POU6F2: variants seen among roughly 807,000 people sequenced by gnomAD.
POU6F2 encodes POU class 6 homeobox 2.
Under a neutral mutation model 71.3 loss-of-function variants are expected in POU6F2, and 31 were observed. That is an observed-to-expected ratio of 0.43 (90% CI 0.33 to 0.59). The LOEUF (loss-of-function observed/expected upper bound fraction) is 0.59. Among genes scored for constraint, POU6F2 ranks in the 20% least tolerant of loss-of-function variants. POU6F2 has a pLI of 0.04. For synonymous variants in POU6F2, 347 were observed against 355.7 expected, an observed-to-expected ratio of 0.98 and a Z score of 0.27; for missense variants, 783 against 856.8, an observed-to-expected ratio of 0.91 and a Z score of 1.07.
chr7:39,318,615 T>A (rs1785320123), intron 4 of POU6F2, among the ~76,000 whole-genome samples: 1 of 152,140 alleles, frequency 6.6e-6, no homozygotes, highest in Non-Finnish European at 1.5e-5. Flanking sequence ...AAAAGAACCC[T>A]TCTGCTCTCT....
At chr7:39,051,776 G>A (rs1418196313) in intron 1 of POU6F2, among the ~76,000 whole-genome samples, 3 of 152,000 alleles carry the variant, frequency 2.0e-5, no homozygotes, top group Admixed American at 2.0e-4. Context: ...GTGGAGAAGT[G>A]GACAGGAAGT....
Position 39,007,645 on chromosome 7 carries a change from T to G in POU6F2, c.105+29587T>G, listed in dbSNP as rs562037552. ...CACCCACTAACTCATCATCTAGCAT[T>G]AGGTATATACCCCAATGCTATCCCT... On this transcript the variant is annotated intron_variant, in intron 1 of 9. Transcript: ENST00000518318. 1.1e-4 allele frequency among the ~76,000 whole-genome samples: 16 copies of G among 152,282 alleles called. No homozygotes were observed. The South Asian group carries it at 3.1e-3, about 30-fold the overall frequency.
At chr7:39,011,157 C>CT (rs1179447693) in intron 1 of POU6F2, among the ~76,000 whole-genome samples, 4 of 138,444 alleles carry the variant, frequency 2.9e-5, no homozygotes, top group Non-Finnish European at 6.3e-5. Context: ...GTGTGGGAGT[C>CT]TAAGTCTCTT....
intron 7 of POU6F2, among the ~76,000 whole-genome samples, chr7:39,436,051 C>T (rs1788234012): frequency 6.6e-6 from 1 of 152,008 alleles, no homozygotes; most frequent in Non-Finnish European, 1.5e-5. Flanking sequence ...TGAAGTGAGG[C>T]GGAGTGATGC....
chr7:39,265,610 C>T (rs1166985938), intron 4 of POU6F2, among the ~76,000 whole-genome samples: 5 of 152,144 alleles, frequency 3.3e-5, no homozygotes, highest in African/African-American at 1.2e-4. Context: ...TTATTTCAAT[C>T]GGCCATAGTT....
At chr7:39,445,243 C>T (rs1200718129) in intron 7 of POU6F2, among the ~76,000 whole-genome samples, 1 of 152,148 alleles carries the variant, frequency 6.6e-6, no homozygotes. Flanking sequence ...TTTCTCAAGC[C>T]ACCCAGAATG....
chr7:39,217,967 G>A (rs1049679907), intron 4 of POU6F2, among the ~76,000 whole-genome samples: 1 of 152,126 alleles, frequency 6.6e-6, no homozygotes, highest in Admixed American at 6.6e-5. Context: ...ATGGTTTCCA[G>A]CTGCCACATA....
At chr7:39,004,724 T>C (rs1415340558) in intron 1 of POU6F2, among the ~76,000 whole-genome samples, 1 of 152,166 alleles carries the variant, frequency 6.6e-6, no homozygotes, top group Non-Finnish European at 1.5e-5. Flanking sequence ...AAAAGTAAAA[T>C]AGGAGAAGTA....
intron 1 of POU6F2, among the ~76,000 whole-genome samples, chr7:39,014,956 A>G (rs1359243139): frequency 6.6e-6 from 1 of 152,080 alleles, no homozygotes; most frequent in Non-Finnish European, 1.5e-5. Context: ...TTAGTTGGAG[A>G]CAAGAGCCTT....
At chr7:39,186,634 A>G (rs1419765645) in intron 2 of POU6F2, among the ~76,000 whole-genome samples, 1 of 152,206 alleles carries the variant, frequency 6.6e-6, no homozygotes, top group Non-Finnish European at 1.5e-5. Context: ...CGCACCGGAA[A>G]TATAATTCCT....
At chr7:39,003,544 C>G (rs370622563) in intron 1 of POU6F2, among the ~76,000 whole-genome samples, 34 of 142,720 alleles carry the variant, frequency 2.4e-4, no homozygotes, top group Non-Finnish European at 1.2e-4. Flanking sequence ...TCGAGACCAT[C>G]GGGTCTAACA....
chr7:39,019,532 T>G lies in POU6F2; in HGVS notation c.105+41474T>G, dbSNP rs142263449. Among the ~76,000 whole-genome samples, 992 of 152,304 alleles carry G rather than the reference T, an allele frequency of 6.5e-3. 12 individuals are homozygous for G. Among genetic ancestry groups the G allele is most frequent in the African/African-American group, 0.022 (923 of 41,570 alleles). Reference sequence around the variant, plus strand: ...TTTGGGAAATTTCATTCACTACTCCTTTGATAAATTGCTCACATTCCTTTT... The same window carrying G: ...TTTGGGAAATTTCATTCACTACTCCGTTGATAAATTGCTCACATTCCTTTT... On this transcript the variant is annotated intron_variant, in intron 1 of 9. Coordinates refer to ENST00000518318, the MANE Select transcript of POU6F2 (RefSeq NM_001370959.1).
At chr7:39,098,097 C>A (rs1791491238) in intron 2 of POU6F2, among the ~76,000 whole-genome samples, 2 of 152,090 alleles carry the variant, frequency 1.3e-5, no homozygotes, top group Admixed American at 6.5e-5. Flanking sequence ...TTAATCATGT[C>A]CAAAAGGAGG....
chr7:39,311,783 A>G (rs191551602), intron 4 of POU6F2, among the ~76,000 whole-genome samples: 1 of 152,358 alleles, frequency 6.6e-6, no homozygotes, highest in East Asian at 1.9e-4. Flanking sequence ...CAAAGTATGC[A>G]AAGGGCAAAT....
At chr7:39,135,993 T>G (rs1031269714) in intron 2 of POU6F2, among the ~76,000 whole-genome samples, 1 of 152,136 alleles carries the variant, frequency 6.6e-6, no homozygotes, top group Admixed American at 6.5e-5. Flanking sequence ...CAATAAACAT[T>G]GTAGAATATA....
At chr7:39,103,661 C>G (rs1002601480) in intron 2 of POU6F2, among the ~76,000 whole-genome samples, 1 of 152,146 alleles carries the variant, frequency 6.6e-6, no homozygotes, top group East Asian at 1.9e-4. Flanking sequence ...CCATCCTAAA[C>G]CCTTACCACA....
intron 2 of POU6F2, among the ~76,000 whole-genome samples, chr7:39,186,570 C>G (rs1362868999): frequency 6.6e-6 from 1 of 152,188 alleles, no homozygotes; most frequent in Non-Finnish European, 1.5e-5. Flanking sequence ...ACCAACCGAG[C>G]CATTTTTGCC....
intron 4 of POU6F2, among the ~76,000 whole-genome samples, chr7:39,325,957 A>AT (rs1251380486): frequency 2.5e-4 from 38 of 152,218 alleles, no homozygotes; most frequent in African/African-American, 8.9e-4. Context: ...AATATGGCTT[A>AT]TGGGTTCTCT....
At chr7:39,307,520 A>G (rs4288259) in intron 4 of POU6F2, among the ~76,000 whole-genome samples, 145,689 of 152,344 alleles carry the variant, frequency 0.96, 69,707 homozygotes, top group East Asian at 1. Flanking sequence ...CATAGAGATG[A>G]TTGAAGATAA....
Sources: allele counts gnomAD v4.1 joint callset (sites outside exome capture counted in the v4.1 genomes callset), GRCh38; gene constraint gnomAD v4.1.1; transcripts MANE v1.5; gene names NCBI Gene and HGNC (gene_info 2026-07-23, HGNC 2026-07-21).